The following RRAS2 variants were observed in gnomAD, a reference collection of about 807,000 sequenced individuals.
The protein encoded by RRAS2 is ras-related protein R-Ras2.
Under a neutral mutation model 27.6 loss-of-function variants are expected in RRAS2, and 7 were observed. The observed-to-expected ratio is 0.25, with a 90% confidence interval of 0.14 to 0.48. The LOEUF (loss-of-function observed/expected upper bound fraction) is 0.48, where lower values mean the gene tolerates loss of function less well. Ranked by LOEUF, RRAS2 falls within the 20% of genes least tolerant of loss-of-function variation. The pLI is 0.99. For synonymous variants in RRAS2, 86 were observed against 90.9 expected (o/e 0.95, Z 0.31); for missense variants, 178 against 256.2 (o/e 0.69, Z 2.08).
intron 1 of RRAS2, among the ~76,000 whole-genome samples, chr11:14,347,576 T>C (rs1448394794): frequency 6.6e-6 from 1 of 151,982 alleles, no homozygotes; most frequent in Non-Finnish European, 1.5e-5. Flanking sequence ...TCCCAGCGCT[T>C]TGGGAGGCCA....
At chr11:14,284,563 C>T (rs945800781) in intron 4 of RRAS2, among the ~76,000 whole-genome samples, 1 of 152,136 alleles carries the variant, frequency 6.6e-6, no homozygotes, top group African/African-American at 2.4e-5. Flanking sequence ...GATTTTCTTT[C>T]TACCTTCCTA....
intron 1 of RRAS2, among the ~76,000 whole-genome samples, chr11:14,317,344 C>A (rs1554949671): frequency 6.6e-6 from 1 of 152,202 alleles, no homozygotes; most frequent in Non-Finnish European, 1.5e-5. Context: ...CTTTGGGAGG[C>A]TGAGGCAGGT....
rs143029901 is a variant in RRAS2 at position 14,303,928 on chromosome 11, C to T, written c.109-8073G>A. ...CTCAATTCCCAGAACTTAAGTGAGA[C>T]CTGGCCATTTACAACTCCAACCCTC... On this transcript the variant is annotated intron_variant, in intron 1 of 5. Coordinates refer to ENST00000256196, the MANE Select transcript of RRAS2 (RefSeq NM_012250.6). Among the ~76,000 whole-genome samples, 615 of 152,258 alleles carry T rather than the reference C, an allele frequency of 4.0e-3. 2 individuals carry two copies. The highest frequency in any genetic ancestry group is 0.014 in the African/African-American group (581 of 41,536).
Position 14,358,676 on chromosome 11 carries a change from C to T in RRAS2, c.108+87G>A, listed in dbSNP as rs1190676446. 9.8e-6 allele frequency: 10 copies of T among 1,020,222 alleles called. No individual in the cohort carries two copies. Among genetic ancestry groups the T allele is most frequent in the Non-Finnish European group, 1.2e-5 (10 of 852,250 alleles). 63.2% of individuals were successfully genotyped at this position (1,020,222 alleles called of 1,614,324 possible). A position where few individuals can be genotyped will look rare whatever the true frequency, so the allele number is the denominator to read the frequency against. ...CCGGGCCCGCGAGGCGCCTCTGGGG[C>T]GAGGTCGCGGCGGCCGCCCCGCCAC... On this transcript the variant is annotated intron_variant, in intron 1 of 5. Transcript: ENST00000256196. This position sits in a 1 kb window ranked among gnomAD's most constrained non-coding sequence, Gnocchi z 5.1.
chr11:14,347,446 A>G (rs1554954193), intron 1 of RRAS2, among the ~76,000 whole-genome samples: 1 of 152,242 alleles, frequency 6.6e-6, no homozygotes, highest in African/African-American at 2.4e-5. Flanking sequence ...CAGGGTTAAC[A>G]AAAGTGCTTA....
intron 1 of RRAS2, among the ~76,000 whole-genome samples, chr11:14,322,145 A>T (rs567466014): frequency 2.6e-4 from 40 of 152,228 alleles, no homozygotes; most frequent in African/African-American, 9.2e-4. Context: ...GGAAATATCA[A>T]ATATGCTGGG....
chr11:14,352,531 G>A (rs1410688368), intron 1 of RRAS2, among the ~76,000 whole-genome samples: 1 of 152,108 alleles, frequency 6.6e-6, no homozygotes, highest in East Asian at 1.9e-4. Context: ...CAAGATCAAG[G>A]CCTTTCAACA....
At chr11:14,298,009 A>G (rs7112955) in intron 1 of RRAS2, among the ~76,000 whole-genome samples, 3,834 of 145,272 alleles carry the variant, frequency 0.026, 170 homozygotes, top group African/African-American at 0.091. Context: ...AAAAAAAAGC[A>G]GGTATCAAAA....
At chr11:14,352,918 C>A (rs1325130241) in intron 1 of RRAS2, among the ~76,000 whole-genome samples, 1 of 151,756 alleles carries the variant, frequency 6.6e-6, no homozygotes, top group Non-Finnish European at 1.5e-5. Context: ...TGCCTCAGCT[C>A]CTGAGTAGTA....
chr11:14,304,442 T>C (rs1052682547), intron 1 of RRAS2, among the ~76,000 whole-genome samples: 2 of 152,234 alleles, frequency 1.3e-5, no homozygotes, highest in Non-Finnish European at 2.9e-5. Context: ...CTACCCACTA[T>C]GCAAGTTCTT....
chr11:14,335,928 G>A (rs1444417493), intron 1 of RRAS2, among the ~76,000 whole-genome samples: 1 of 152,140 alleles, frequency 6.6e-6, no homozygotes, highest in Non-Finnish European at 1.5e-5. Flanking sequence ...GATGACAGCT[G>A]CTCTACTCCC....
At chr11:14,357,743 T>G (rs1183253337) in intron 1 of RRAS2, among the ~76,000 whole-genome samples, 1 of 152,204 alleles carries the variant, frequency 6.6e-6, no homozygotes, top group African/African-American at 2.4e-5. Flanking sequence ...TCACCGTTCA[T>G]ACTCTAGATA....
chr11:14,283,852 GTTTTTAT>G (rs1564952921), intron 4 of RRAS2, among the ~76,000 whole-genome samples: 1 of 151,926 alleles, frequency 6.6e-6, no homozygotes, highest in Non-Finnish European at 1.5e-5. Flanking sequence ...CCAGTTTAGG[GTTTTTAT>G]TTTTTATTTT....
chr11:14,322,331 T>C (rs1848245040), intron 1 of RRAS2, among the ~76,000 whole-genome samples: 1 of 151,834 alleles, frequency 6.6e-6, no homozygotes, highest in Admixed American at 6.6e-5. Context: ...TCCCATCTAC[T>C]TGGGAGGCTA....
chr11:14,300,437 C>T (rs1353759181), intron 1 of RRAS2, among the ~76,000 whole-genome samples: 4 of 152,062 alleles, frequency 2.6e-5, no homozygotes, highest in East Asian at 1.9e-4. Context: ...CATGGTGGCA[C>T]GCGCCTATAG....
At position 14,335,838 on chromosome 11, in the gene RRAS2, C is replaced by CA. The variant is rs375437898; in HGVS notation, c.108+22924dup. ...ACATGGAAATGCCAACAGACACAGA[C>CA]AAAAAAAGTACTAACAAAAGAATGC... is the stretch of plus-strand genomic sequence containing the variant. On this transcript the variant is annotated intron_variant, in intron 1 of 5. Transcript: ENST00000256196. Among the ~76,000 whole-genome samples, 27 of 152,098 alleles carry CA rather than the reference C, an allele frequency of 1.8e-4. No homozygotes were observed. In the East Asian group the frequency reaches 4.8e-3, roughly 27 times the overall value.
chr11:14,317,020 A>C (rs1462614253), intron 1 of RRAS2, among the ~76,000 whole-genome samples: 6 of 152,168 alleles, frequency 3.9e-5, no homozygotes, highest in African/African-American at 1.4e-4. Context: ...TTAAAATAAG[A>C]AATTTTTTAA....
At chr11:14,331,044 A>G (rs1554951810) in intron 1 of RRAS2, among the ~76,000 whole-genome samples, 1 of 152,216 alleles carries the variant, frequency 6.6e-6, no homozygotes, top group African/African-American at 2.4e-5. Context: ...AGACTTCTAA[A>G]GTGCTGGGAT....
intron 1 of RRAS2, among the ~76,000 whole-genome samples, chr11:14,298,213 A>AT (rs1847609522): frequency 6.6e-6 from 1 of 152,186 alleles, no homozygotes; most frequent in African/African-American, 2.4e-5. Flanking sequence ...CCATGCTTTT[A>AT]TATCTTGTAA....
Sources: allele counts gnomAD v4.1 joint callset (sites outside exome capture counted in the v4.1 genomes callset), GRCh38; gene constraint gnomAD v4.1.1; non-coding constraint Gnocchi (gnomAD v3.1); transcripts MANE v1.5; gene names NCBI Gene and HGNC (gene_info 2026-07-23, HGNC 2026-07-21).